The following KCNQ5 variants were observed in gnomAD, a reference collection of about 807,000 sequenced individuals.
KCNQ5 encodes potassium voltage-gated channel subfamily Q member 5, also known as potassium voltage-gated channel subfamily KQT member 5.
KCNQ5 carries 30 observed loss-of-function variants against 98.2 expected under a neutral mutation model. The observed-to-expected ratio is 0.31, with a 90% CI of 0.23 to 0.41. The LOEUF (loss-of-function observed/expected upper bound fraction) is 0.41. KCNQ5 is among the 10% of genes least tolerant of loss of function. The pLI, the probability that KCNQ5 is intolerant of heterozygous loss-of-function variation, is 1.00. For synonymous variants in KCNQ5, 458 were observed against 449.4 expected (o/e 1.02, Z -0.24); for missense variants, 835 against 1,182.5 (o/e 0.71, Z 4.31).
rs1770771410 is a variant in KCNQ5, at chr6:73,024,390, G to GATAGATTAGATAGATAGATAGATAGATAC, written c.490-17540_490-17539insTAGATAGATAGATAGATAGATACATAGAT. Among the ~76,000 whole-genome samples, 3 of 151,046 alleles carry GATAGATTAGATAGATAGATAGATAGATAC rather than the reference G, an allele frequency of 2.0e-5. 1 individual carries two copies. The highest frequency in any genetic ancestry group is 4.4e-5 in the Non-Finnish European group (3 of 67,878). On this transcript the variant is annotated intron_variant, in intron 2 of 13. Coordinates refer to ENST00000370398, the MANE Select transcript of KCNQ5 (RefSeq NM_019842.4). ...TAGATAGATAGATAGATGATAGATAGATAGATAGATAGATAGATAGATAGA... is the reference window on the plus strand; with the variant it reads ...TAGATAGATAGATAGATGATAGATAGATAGATTAGATAGATAGATAGATAGATACATAGATAGATAGATAGATAGATAGA...
At chr6:73,023,227 G>A (rs1290820295) in intron 2 of KCNQ5, among the ~76,000 whole-genome samples, 1 of 152,150 alleles carries the variant, frequency 6.6e-6, no homozygotes, top group Non-Finnish European at 1.5e-5. Flanking sequence ...AGAGGCTGGA[G>A]GTGAGGATTT....
intron 9 of KCNQ5, among the ~76,000 whole-genome samples, chr6:73,126,778 T>G (rs1312264783): frequency 6.6e-6 from 1 of 152,172 alleles, no homozygotes; most frequent in Non-Finnish European, 1.5e-5. Flanking sequence ...TATCTTATAT[T>G]TCATACACTT....
chr6:72,838,072 T>G (rs747057916), intron 1 of KCNQ5, among the ~76,000 whole-genome samples: 66 of 151,238 alleles, frequency 4.4e-4, no homozygotes, highest in Non-Finnish European at 5.8e-4. Context: ...CATTTAACAT[T>G]AGGTATAGCT....
chr6:72,776,872 G>C (rs1281792614), intron 1 of KCNQ5, among the ~76,000 whole-genome samples: 1 of 152,148 alleles, frequency 6.6e-6, no homozygotes, highest in African/African-American at 2.4e-5. Context: ...GCAGACATGA[G>C]GCCAGGGTGC....
At chr6:72,949,216 G>C (rs1766684091) in intron 1 of KCNQ5, among the ~76,000 whole-genome samples, 1 of 152,150 alleles carries the variant, frequency 6.6e-6, no homozygotes, top group Non-Finnish European at 1.5e-5. Flanking sequence ...TGCCTGTGCT[G>C]TCTCACAGAA....
intron 1 of KCNQ5, among the ~76,000 whole-genome samples, chr6:72,628,786 T>C (rs2098919297): frequency 6.6e-6 from 1 of 152,122 alleles, no homozygotes. Flanking sequence ...ATTGTTTTTG[T>C]ATTTTTAGTA....
chr6:72,853,624 T>G (rs1319774624), intron 1 of KCNQ5, among the ~76,000 whole-genome samples: 1 of 152,220 alleles, frequency 6.6e-6, no homozygotes, highest in East Asian at 1.9e-4. Context: ...CAAATAATTT[T>G]TGTTTTGCAC....
At chr6:72,947,115 G>A (rs1399153972) in intron 1 of KCNQ5, among the ~76,000 whole-genome samples, 3 of 152,120 alleles carry the variant, frequency 2.0e-5, no homozygotes, top group Non-Finnish European at 4.4e-5. Context: ...AGCTCACAGG[G>A]CCTTCTATGT....
At chr6:72,784,330 A>G (rs1366887188) in intron 1 of KCNQ5, among the ~76,000 whole-genome samples, 1 of 152,212 alleles carries the variant, frequency 6.6e-6, no homozygotes, top group Non-Finnish European at 1.5e-5. Flanking sequence ...TAGAGAGAAG[A>G]GAAGAGAAGA....
At chr6:73,017,556 C>T (rs1228440098) in intron 2 of KCNQ5, among the ~76,000 whole-genome samples, 3 of 152,112 alleles carry the variant, frequency 2.0e-5, no homozygotes, top group Admixed American at 6.5e-5. Flanking sequence ...CATCATGCCT[C>T]TGCAAAGTAG....
rs45536838 is a variant in KCNQ5, at chr6:73,111,290, T to A, written c.1030-18T>A. 54,138 of 1,585,098 alleles carry A rather than the reference T, an allele frequency of 0.034. 1,174 individuals carry two copies. Among genetic ancestry groups the A allele is most frequent in the East Asian group, 0.1 (4,516 of 44,694 alleles). On this transcript the variant is annotated intron_variant, in intron 6 of 13. Coordinates refer to ENST00000370398, the MANE Select transcript of KCNQ5 (RefSeq NM_019842.4). Reference sequence around the variant, plus strand: ...TGCTTTTGAAATTTTTGAGTGCCATTTTTGTATTTTGTTCCAGGGCATTCT... The same window carrying A: ...TGCTTTTGAAATTTTTGAGTGCCATATTTGTATTTTGTTCCAGGGCATTCT...
chr6:73,091,501 A>G (rs569754996), intron 5 of KCNQ5, among the ~76,000 whole-genome samples: 2 of 152,282 alleles, frequency 1.3e-5, no homozygotes, highest in African/African-American at 4.8e-5. Flanking sequence ...CTTAAAAAAA[A>G]GAAAAAGAAA....
chr6:73,086,959 G>A (rs1774012088), intron 5 of KCNQ5, among the ~76,000 whole-genome samples: 1 of 152,214 alleles, frequency 6.6e-6, no homozygotes, highest in African/African-American at 2.4e-5. Flanking sequence ...AAAGATCCTG[G>A]CTTGTTTGAA....
At chr6:72,950,025 A>G (rs1002120339) in intron 1 of KCNQ5, among the ~76,000 whole-genome samples, 2 of 152,130 alleles carry the variant, frequency 1.3e-5, no homozygotes, top group African/African-American at 4.8e-5. Context: ...TCCAAAAGAG[A>G]TGAAAAAAAA....
chr6:72,694,720 AT>A (rs929145640), intron 1 of KCNQ5, among the ~76,000 whole-genome samples: 1 of 152,136 alleles, frequency 6.6e-6, no homozygotes, highest in Non-Finnish European at 1.5e-5. Context: ...TTTTAAAATA[AT>A]TTCAACTTTT....
In KCNQ5 at chr6:72,702,445, G is replaced by T. The variant is rs1047461907; in HGVS notation, c.398+79858G>T. Among the ~76,000 whole-genome samples the T allele has an allele frequency of 5.3e-5, 8 of 152,116 alleles. No individual in the cohort carries two copies. In the East Asian group the frequency reaches 1.4e-3, roughly 26 times the overall value. On this transcript the variant is annotated intron_variant, in intron 1 of 13. Transcript: ENST00000370398. ...TTTTTTTTCTTAAGGAGTATGAAAA[G>T]GTTTAGGAAACAGGTAATTTTTTGC...
chr6:72,926,118 G>A (rs1458445955), intron 1 of KCNQ5, among the ~76,000 whole-genome samples: 5 of 152,168 alleles, frequency 3.3e-5, no homozygotes, highest in Non-Finnish European at 7.4e-5. Context: ...GGGGGATTGA[G>A]AGCTGAGGCT....
At chr6:72,648,355 G>T (rs1299927389) in intron 1 of KCNQ5, among the ~76,000 whole-genome samples, 1 of 152,054 alleles carries the variant, frequency 6.6e-6, no homozygotes, top group Admixed American at 6.6e-5. Flanking sequence ...TGTCCATAAG[G>T]ATAATAATGA....
At chr6:72,872,300 TA>T (rs573666165) in intron 1 of KCNQ5, among the ~76,000 whole-genome samples, 1 of 152,206 alleles carries the variant, frequency 6.6e-6, no homozygotes, top group Non-Finnish European at 1.5e-5. Context: ...ATCTCTGTTA[TA>T]ATGTCACTTT....
Sources: allele counts gnomAD v4.1 joint callset (sites outside exome capture counted in the v4.1 genomes callset), GRCh38; gene constraint gnomAD v4.1.1; transcripts MANE v1.5; gene names NCBI Gene and HGNC (gene_info 2026-07-23, HGNC 2026-07-21).